RHBDL2: variants seen among roughly 807,000 people sequenced by gnomAD.
The protein encoded by RHBDL2 is rhomboid like 2.
A neutral mutation model predicts 31.7 loss-of-function variants in RHBDL2; 26 were observed. The ratio of observed to expected loss-of-function variants is 0.82; its 90% confidence interval spans 0.60 to 1.14. The LOEUF (loss-of-function observed/expected upper bound fraction) is 1.14. Among genes scored for constraint, RHBDL2 ranks in the 50% most tolerant of loss-of-function variants. RHBDL2 has a pLI of 0.00. For synonymous variants in RHBDL2, 123 were observed against 127.2 expected, an observed-to-expected ratio of 0.97 and a Z score of 0.22; for missense variants, 336 against 364.4, an observed-to-expected ratio of 0.92 and a Z score of 0.63.
intron 4 of RHBDL2, among the ~76,000 whole-genome samples, chr1:38,905,620 C>T (rs1398625218): frequency 2.7e-5 from 4 of 149,710 alleles, no homozygotes; most frequent in East Asian, 3.9e-4. Context: ...GGGTGTGGTA[C>T]TGCATGCCTG....
chr1:38,936,299 T>C (rs1210092126), intron 1 of RHBDL2, among the ~76,000 whole-genome samples: 1 of 151,940 alleles, frequency 6.6e-6, no homozygotes, highest in East Asian at 1.9e-4. Context: ...GTATTCTTTT[T>C]TGTTTGTTGG....
chr1:38,912,910 A>ATATATGTGTGTG (rs1399583863), intron 3 of RHBDL2, among the ~76,000 whole-genome samples: 10 of 41,374 alleles, frequency 2.4e-4, no homozygotes, highest in African/African-American at 7.3e-4. Context: ...ATATATATAT[A>ATATATGTGTGTG]TGTGTGTGTG....
chr1:38,899,837 G>T (rs925014308), intron 4 of RHBDL2, among the ~76,000 whole-genome samples: 105 of 152,268 alleles, frequency 6.9e-4, no homozygotes, highest in Middle Eastern at 3.4e-3. Context: ...CATGGCCAGG[G>T]TGATAATGAT....
intron 3 of RHBDL2, among the ~76,000 whole-genome samples, chr1:38,911,667 A>C (rs1360208728): frequency 7.3e-6 from 1 of 136,714 alleles, no homozygotes; most frequent in Non-Finnish European, 1.6e-5. Flanking sequence ...CGCGTGTGTG[A>C]CTTGCTGTGT....
At chr1:38,940,983 A>C (rs1015038407) in intron 1 of RHBDL2, among the ~76,000 whole-genome samples, 3 of 152,210 alleles carry the variant, frequency 2.0e-5, no homozygotes, top group African/African-American at 7.2e-5. Flanking sequence ...TGTGACTCCA[A>C]AATAATTTTC....
intron 2 of RHBDL2, among the ~76,000 whole-genome samples, chr1:38,918,629 G>A (rs765802549): frequency 6.6e-6 from 1 of 152,128 alleles, no homozygotes; most frequent in Non-Finnish European, 1.5e-5. Flanking sequence ...GCCTAAATCG[G>A]TTCATGAGAG....
chr1:38,924,307 A>G (rs1169313972), intron 1 of RHBDL2, among the ~76,000 whole-genome samples: 3 of 152,056 alleles, frequency 2.0e-5, no homozygotes, highest in Non-Finnish European at 2.9e-5. Context: ...TTAAAAGGAA[A>G]CACAGGGCTG....
intron 1 of RHBDL2, among the ~76,000 whole-genome samples, chr1:38,922,088 A>G (rs894399280): frequency 2.0e-5 from 3 of 152,172 alleles, no homozygotes; most frequent in African/African-American, 7.2e-5. Context: ...CACCATTTTA[A>G]ATATGTTAGT....
intron 2 of RHBDL2, among the ~76,000 whole-genome samples, chr1:38,916,668 C>G (rs1276762369): frequency 4.0e-5 from 6 of 150,736 alleles, no homozygotes; most frequent in Non-Finnish European, 4.4e-5. Flanking sequence ...GCCAACATGG[C>G]GAAACCACAT....
At chr1:38,887,504 A>G (rs965432947) in intron 7 of RHBDL2, among the ~76,000 whole-genome samples, 16 of 152,198 alleles carry the variant, frequency 1.1e-4, no homozygotes, top group Non-Finnish European at 1.9e-4. Flanking sequence ...GGCTCACTGC[A>G]ACCTCCGCCT....
At chr1:38,939,644 C>G (rs1172990050) in intron 1 of RHBDL2, among the ~76,000 whole-genome samples, 1 of 151,980 alleles carries the variant, frequency 6.6e-6, no homozygotes, top group Non-Finnish European at 1.5e-5. Context: ...CAGAGTGAGG[C>G]TCCACCTCAA....
chr1:38,938,310 C>A (rs972006261), intron 1 of RHBDL2, among the ~76,000 whole-genome samples: 1 of 152,146 alleles, frequency 6.6e-6, no homozygotes, highest in African/African-American at 2.4e-5. Context: ...CCACCGCGCC[C>A]AGCCAAAATC....
intron 4 of RHBDL2, among the ~76,000 whole-genome samples, chr1:38,901,461 C>CAAA: frequency 1.9e-5 from 1 of 51,880 alleles, no homozygotes; most frequent in African/African-American, 5.2e-5. Context: ...GGCTCAGTCT[C>CAAA]AAAAAAAAAA....
chr1:38,908,763 T>C (rs777523728), intron 4 of RHBDL2, among the ~76,000 whole-genome samples: 5 of 152,086 alleles, frequency 3.3e-5, no homozygotes, highest in Non-Finnish European at 5.9e-5. Context: ...AGGGTACTCT[T>C]AGTTTAGTAG....
chr1:38,895,304 CCTTTA>C (rs1007502797), intron 5 of RHBDL2, among the ~76,000 whole-genome samples: 3 of 151,884 alleles, frequency 2.0e-5, no homozygotes, highest in Non-Finnish European at 4.4e-5. Flanking sequence ...TTCTTTTATT[CCTTTA>C]CTTTCTTAAT....
In RHBDL2 at chr1:38,902,206, T is replaced by TTTC. The variant is rs1208209175; in HGVS notation, c.509-6138_509-6137insGAA. On this transcript the variant is annotated intron_variant, in intron 4 of 7. Coordinates refer to ENST00000372990, the MANE Select transcript of RHBDL2 (RefSeq NM_017821.5). ...TTTTCTTCTTTTTTCTTTTTCTTTT[T>TTTC]TTTTTTTTTTTTTTTTTGAGACAGA... 3.9e-5 allele frequency among the ~76,000 whole-genome samples: 5 copies of TTTC among 127,676 alleles called. No individual in the cohort carries two copies. The Admixed American group carries it at 4.0e-4, about 10-fold the overall frequency. 83.8% of individuals were successfully genotyped at this position (127,676 alleles called of 152,430 possible).
At chr1:38,898,105 T>C (rs1642943147) in intron 4 of RHBDL2, among the ~76,000 whole-genome samples, 2 of 152,284 alleles carry the variant, frequency 1.3e-5, no homozygotes, top group Admixed American at 1.3e-4. Context: ...CACCCCAGCC[T>C]GGGCAACAAG....
At chr1:38,904,577 C>T (rs1173874178) in intron 4 of RHBDL2, among the ~76,000 whole-genome samples, 1 of 151,676 alleles carries the variant, frequency 6.6e-6, no homozygotes, top group African/African-American at 2.4e-5. Flanking sequence ...ACCTGTAATC[C>T]TAGCATTTTG....
intron 1 of RHBDL2, 155 bp from the exon 2 acceptor site, chr1:38,919,492 G>C: frequency 2.1e-6 from 1 of 466,858 alleles, no homozygotes; most frequent in Non-Finnish European, 3.4e-6. Context: ...GTTAACATCA[G>C]ATAAATCACT....
Sources: allele counts gnomAD v4.1 joint callset (sites outside exome capture counted in the v4.1 genomes callset), GRCh38; gene constraint gnomAD v4.1.1; transcripts MANE v1.5; gene names NCBI Gene and HGNC (gene_info 2026-07-23, HGNC 2026-07-21).